METTL8: variants seen among roughly 807,000 people sequenced by gnomAD.
METTL8 encodes the protein methyltransferase 8, tRNA N3-cytidine.
A neutral mutation model predicts 48.7 loss-of-function variants in METTL8; 32 were observed. That is an observed-to-expected ratio of 0.66 (90% confidence interval 0.50 to 0.88). The LOEUF (loss-of-function observed/expected upper bound fraction) is 0.88, where lower values mean the gene tolerates loss of function less well. METTL8 is among the 40% of genes least tolerant of loss of function. The pLI is 0.00. For synonymous variants in METTL8, 136 were observed against 157.1 expected (o/e 0.87, Z 1.01); for missense variants, 464 against 474.4 (o/e 0.98, Z 0.20).
At position 171,356,960 on chromosome 2, in the gene METTL8, T is replaced by TTTTTTTTTTTTTTTTC. The variant is rs1559101921; in HGVS notation, c.235+3461_235+3462insGAAAAAAAAAAAAAAA. Among the ~76,000 whole-genome samples the TTTTTTTTTTTTTTTTC allele has an allele frequency of 2.2e-3, 275 of 123,686 alleles. 22 individuals are homozygous for TTTTTTTTTTTTTTTTC. Among genetic ancestry groups the TTTTTTTTTTTTTTTTC allele is most frequent in the African/African-American group, 7.3e-3 (253 of 34,542 alleles). 81.1% of individuals were successfully genotyped at this position (123,686 alleles called of 152,430 possible). ...CCTTGTTCAAAGACAATATTTTTTTTTTTTTTTTTGAGACAGGGTCTTACT... is the reference window on the plus strand; with the variant it reads ...CCTTGTTCAAAGACAATATTTTTTTTTTTTTTTTTTTTTTTCTTTTTTTTTGAGACAGGGTCTTACT... On this transcript the variant is annotated intron_variant, in intron 3 of 9. Coordinates refer to ENST00000375258, the MANE Select transcript of METTL8 (RefSeq NM_001321154.2).
At chr2:171,363,645 T>G in intron 2 of METTL8, among the ~76,000 whole-genome samples, 1 of 150,898 alleles carries the variant, frequency 6.6e-6, no homozygotes, top group Non-Finnish European at 1.5e-5. Context: ...AGCAAAAAAT[T>G]AGAAACAACT....
intron 1 of METTL8, among the ~76,000 whole-genome samples, chr2:171,406,573 A>C (rs1206590871): frequency 1.3e-5 from 2 of 152,180 alleles, no homozygotes; most frequent in East Asian, 3.8e-4. Flanking sequence ...TCTTTTTATA[A>C]GGACACCAGT....
intron 3 of METTL8, among the ~76,000 whole-genome samples, chr2:171,350,128 A>G (rs944597266): frequency 2.0e-5 from 3 of 152,024 alleles, no homozygotes; most frequent in Non-Finnish European, 1.5e-5. Context: ...CCACCCCACA[A>G]TAGGCCCCAG....
At chr2:171,403,788 G>C (rs1373988290) in intron 1 of METTL8, among the ~76,000 whole-genome samples, 1 of 151,458 alleles carries the variant, frequency 6.6e-6, no homozygotes, top group African/African-American at 2.4e-5. Flanking sequence ...TGATGTGAGG[G>C]GCAGACAGGT....
intron 2 of METTL8, among the ~76,000 whole-genome samples, chr2:171,369,675 C>G (rs1197960275): frequency 6.6e-6 from 1 of 152,012 alleles, no homozygotes; most frequent in Admixed American, 6.6e-5. Context: ...GTCCTGAGAC[C>G]AAAATGTTTG....
intron 2 of METTL8, among the ~76,000 whole-genome samples, chr2:171,377,415 C>A (rs1357927204): frequency 1.3e-5 from 2 of 152,116 alleles, no homozygotes; most frequent in Non-Finnish European, 2.9e-5. Flanking sequence ...AAAGCTTCTG[C>A]AAAGCAAAAG....
At chr2:171,360,300 T>C in intron 3 of METTL8, 122 bp downstream of exon 3, 1 of 736,910 alleles carries the variant, frequency 1.4e-6, no homozygotes. Context: ...CTGGGAATTC[T>C]ACCAAATGGA....
intron 3 of METTL8, among the ~76,000 whole-genome samples, chr2:171,342,010 A>G (rs932497311): frequency 6.6e-6 from 1 of 152,232 alleles, no homozygotes; most frequent in Non-Finnish European, 1.5e-5. Flanking sequence ...TGAATTTACT[A>G]TACATTCCAA....
At chr2:171,434,113 G>A (rs754106293), upstream of METTL8, 1 of 335,518 alleles carries the variant, frequency 3.0e-6, no homozygotes, top group Non-Finnish European at 5.9e-6. Context: ...AGAGAAGCGC[G>A]CCCGCAAGAC....
chr2:171,345,406 A>G (rs1343320522), intron 3 of METTL8, among the ~76,000 whole-genome samples: 4 of 152,212 alleles, frequency 2.6e-5, no homozygotes, highest in African/African-American at 9.6e-5. Flanking sequence ...TTGCACATCA[A>G]TTACGCAAAT....
chr2:171,408,572 G>A (rs1438605016), intron 1 of METTL8, among the ~76,000 whole-genome samples: 3 of 152,142 alleles, frequency 2.0e-5, no homozygotes, highest in Non-Finnish European at 2.9e-5. Flanking sequence ...GATTACAGGT[G>A]TGAGCCACCG....
intron 2 of METTL8, among the ~76,000 whole-genome samples, chr2:171,386,648 A>AGT (rs1290694432): frequency 6.6e-6 from 1 of 151,980 alleles, no homozygotes; most frequent in African/African-American, 2.4e-5. Context: ...GGAAGGGAAG[A>AGT]GTGTGGTCCC....
chr2:171,369,373 C>T (rs1686064042), intron 2 of METTL8, among the ~76,000 whole-genome samples: 1 of 152,218 alleles, frequency 6.6e-6, no homozygotes, highest in South Asian at 2.1e-4. Flanking sequence ...ACCAAATTAT[C>T]TTCATATAAT....
chr2:171,414,730 A>G (rs905564587), intron 1 of METTL8: 2 of 138,022 alleles, frequency 1.4e-5, no homozygotes, highest in African/African-American at 5.5e-5. Flanking sequence ...TCTGTTTCTG[A>G]AAAAAAAAAA....
intron 2 of METTL8, among the ~76,000 whole-genome samples, chr2:171,377,524 C>T (rs80069774): frequency 0.23 from 35,018 of 152,016 alleles, 4,232 homozygotes; most frequent in African/African-American, 0.25. Context: ...CTACAAGGAA[C>T]TCAAATCAGC....
chr2:171,339,525 A>G lies in METTL8; in HGVS notation c.265T>C (p.Trp89Arg). The change falls in exon 4 of 10, where the codon TGG becomes CGG. Residue 89 changes from tryptophan to arginine, a missense_variant. Trp to Arg is a moderately radical substitution (Grantham distance 101). Coordinates refer to ENST00000375258, the MANE Select transcript of METTL8 (RefSeq NM_001321154.2). ...TTATGAATCTTGTAAAATGTGTCCC[A>G]GTATTTACTAGCTTCTCTCTCATAC... Reference protein sequence around the residue: ...VKYEREASKYWDTFYKIHKNK... With the variant: ...VKYEREASKYRDTFYKIHKNK... 6.3e-7 allele frequency: 1 copy of G among 1,576,220 alleles called. No individual in the cohort carries two copies. Among genetic ancestry groups the G allele is most frequent in the South Asian group, 1.1e-5 (1 of 88,562 alleles).
At chr2:171,362,565 A>AT (rs1685268681) in intron 2 of METTL8, among the ~76,000 whole-genome samples, 4 of 114,418 alleles carry the variant, frequency 3.5e-5, no homozygotes, top group South Asian at 2.8e-4. Flanking sequence ...TTAAAAAAAT[A>AT]AAAATAAATA....
In METTL8 at chr2:171,324,264, G is replaced by A. The variant is rs1684705344; in HGVS notation, c.1132C>T (p.His378Tyr). The A allele has an allele frequency of 6.4e-6, 10 of 1,551,478 alleles. No individual in the cohort carries two copies. In the East Asian group the frequency reaches 2.0e-4, roughly 30 times the overall value. The change falls in exon 10 of 10, where the codon CAC becomes TAC. Residue 378 changes from histidine to tyrosine, a missense_variant. Physicochemically the swap from His to Tyr is moderately conservative, Grantham distance 83 (BLOSUM62 2). Coordinates refer to ENST00000375258, the MANE Select transcript of METTL8 (RefSeq NM_001321154.2). ...AATTTGCCTTGAATCCACACTCGGTGCATTTTCACTTGTTTTTTCCTATTA... is the reference window on the plus strand; with the variant it reads ...AATTTGCCTTGAATCCACACTCGGTACATTTTCACTTGTTTTTTCCTATTA... ...QVNRKKQVKM[H>Y]RVWIQGKFQK...
At chr2:171,331,917 G>C in intron 5 of METTL8, 50 bp from the exon 6 acceptor site, 1 of 1,376,876 alleles carries the variant, frequency 7.3e-7, no homozygotes, top group Admixed American at 2.0e-5. Context: ...ACAGGGTCTT[G>C]CGCTGTTGCC....
Sources: gnomAD v4.1 joint callset for allele counts (sites outside exome capture counted in the v4.1 genomes callset) on GRCh38, gnomAD v4.1.1 for gene constraint, MANE v1.5 for transcripts, NCBI Gene and HGNC (gene_info 2026-07-23, HGNC 2026-07-21) for gene names.